Variants in BNC2 observed in about 807,000 individuals in gnomAD.
The protein encoded by BNC2 is zinc finger protein basonuclin-2.
Under a neutral mutation model 76.3 loss-of-function variants are expected in BNC2, and 20 were observed. The observed-to-expected ratio is 0.26, with a 90% CI of 0.18 to 0.38. The LOEUF (loss-of-function observed/expected upper bound fraction) is 0.38. BNC2 is among the 10% of genes least tolerant of loss of function. The probability of loss-of-function intolerance (pLI) is 1.00; values close to 1 mark genes in which losing one functional copy is unlikely to be tolerated. For missense variants in BNC2, 1,382 were observed against 1,399.8 expected (o/e 0.99, Z 0.20); for synonymous variants, 582 against 514.8 (o/e 1.13, Z -1.77).
intron 1 of BNC2, among the ~76,000 whole-genome samples, chr9:16,834,040 T>C (rs1818644777): frequency 6.6e-6 from 1 of 152,180 alleles, no homozygotes; most frequent in African/African-American, 2.4e-5. Flanking sequence ...ATCCTTCAGA[T>C]CTCAGCTCAA....
chr9:16,447,849 T>C (rs906714678), intron 5 of BNC2, among the ~76,000 whole-genome samples: 1 of 152,114 alleles, frequency 6.6e-6, no homozygotes, highest in African/African-American at 2.4e-5. Flanking sequence ...CTTTCGGAAA[T>C]CTTTGCAGCT....
At chr9:16,555,568 G>T (rs1336766130) in intron 4 of BNC2, among the ~76,000 whole-genome samples, 1 of 151,620 alleles carries the variant, frequency 6.6e-6, no homozygotes. Context: ...AGGCGAGACG[G>T]CAGATTGCCT....
rs1818689587 is a variant in BNC2, at chr9:16,552,380, T to C, written c.669+150A>G. 4.1e-6 allele frequency: 3 copies of C among 727,920 alleles called. No individual in the cohort carries two copies. The African/African-American group carries it at 5.2e-5, about 13-fold the overall frequency. 45.1% of individuals were successfully genotyped at this position (727,920 alleles called of 1,614,324 possible). On this transcript the variant is annotated intron_variant, in intron 5 of 6. Coordinates refer to ENST00000380672, the MANE Select transcript of BNC2 (RefSeq NM_017637.6). ...CCGATGGTGGCCTGCTTTGTCTCTC[T>C]CCTTTCCCCTTCCCTGACAAGCCTG...
At chr9:16,829,136 G>C (rs933989923) in intron 1 of BNC2, among the ~76,000 whole-genome samples, 16 of 152,222 alleles carry the variant, frequency 1.1e-4, no homozygotes, top group African/African-American at 3.1e-4. Flanking sequence ...GCCTCTGCGG[G>C]ACTGCAGCGG....
intron 5 of BNC2, among the ~76,000 whole-genome samples, chr9:16,446,296 A>G (rs1220831874): frequency 1.3e-5 from 2 of 151,250 alleles, no homozygotes; most frequent in Non-Finnish European, 3.0e-5. Context: ...AACTACTAGC[A>G]AAAAAAAAGT....
intron 1 of BNC2, among the ~76,000 whole-genome samples, chr9:16,763,425 C>G (rs554820939): frequency 3.9e-5 from 6 of 151,922 alleles, no homozygotes; most frequent in Non-Finnish European, 8.8e-5. Flanking sequence ...AAAAACTTAG[C>G]CGGCCATAGT....
chr9:16,823,888 A>C (rs1818396837), intron 1 of BNC2, among the ~76,000 whole-genome samples: 1 of 152,202 alleles, frequency 6.6e-6, no homozygotes, highest in Admixed American at 6.5e-5. Flanking sequence ...AATTTCATTC[A>C]AATCCCTAAC....
At chr9:16,452,042 G>A (rs910434819) in intron 5 of BNC2, among the ~76,000 whole-genome samples, 4 of 152,184 alleles carry the variant, frequency 2.6e-5, no homozygotes, top group African/African-American at 9.7e-5. Flanking sequence ...TGACCTGGTC[G>A]AGTGCTTTTC....
intron 3 of BNC2, among the ~76,000 whole-genome samples, chr9:16,609,952 T>C (rs1445871367): frequency 1.3e-5 from 2 of 152,210 alleles, no homozygotes; most frequent in African/African-American, 4.8e-5. Context: ...TATTCTTCTC[T>C]GCCATCTTCT....
intron 1 of BNC2, among the ~76,000 whole-genome samples, chr9:16,870,037 C>G (rs1277447743): frequency 6.6e-6 from 1 of 152,192 alleles, no homozygotes; most frequent in African/African-American, 2.4e-5. Context: ...TCTGCACCTT[C>G]TCCGTAAAGC....
At chr9:16,738,232 T>G (rs1824735719) in intron 2 of BNC2, 128 bp downstream of exon 2, 1 of 1,032,504 alleles carries the variant, frequency 9.7e-7, no homozygotes. Flanking sequence ...TTTCATAGAA[T>G]GAGGATAAGT....
intron 3 of BNC2, among the ~76,000 whole-genome samples, chr9:16,715,679 C>G (rs911256609): frequency 4.6e-5 from 7 of 152,202 alleles, no homozygotes; most frequent in Admixed American, 2.0e-4. Flanking sequence ...CACCTGGTAA[C>G]AATCGGCTGG....
intron 3 of BNC2, among the ~76,000 whole-genome samples, chr9:16,654,318 T>G (rs1202799916): frequency 2.0e-5 from 3 of 152,194 alleles, no homozygotes; most frequent in African/African-American, 7.2e-5. Flanking sequence ...GGGCATAACA[T>G]AAGCATTATT....
intron 5 of BNC2, among the ~76,000 whole-genome samples, chr9:16,484,226 A>C (rs1822115147): frequency 6.6e-6 from 1 of 152,230 alleles, no homozygotes; most frequent in Non-Finnish European, 1.5e-5. Context: ...CAAAAAAGGC[A>C]GCACAGTAGC....
At chr9:16,854,840 C>T (rs1420977148) in intron 1 of BNC2, among the ~76,000 whole-genome samples, 2 of 151,834 alleles carry the variant, frequency 1.3e-5, no homozygotes, top group South Asian at 2.1e-4. Context: ...GGGGTAAACA[C>T]TGTCAATACT....
chr9:16,827,200 C>T (rs147738616), intron 1 of BNC2, among the ~76,000 whole-genome samples: 6 of 152,268 alleles, frequency 3.9e-5, no homozygotes, highest in African/African-American at 1.4e-4. Flanking sequence ...AGTCTCTGCA[C>T]GATACATATT....
intron 5 of BNC2, among the ~76,000 whole-genome samples, chr9:16,510,732 CAAA>C (rs1822735138): frequency 6.6e-6 from 1 of 152,174 alleles, no homozygotes; most frequent in Admixed American, 6.5e-5. Context: ...AATTGACCTA[CAAA>C]TGTTATCAAA....
intron 3 of BNC2, among the ~76,000 whole-genome samples, chr9:16,715,695 A>G (rs1823979568): frequency 6.6e-6 from 1 of 152,330 alleles, no homozygotes; most frequent in South Asian, 2.1e-4. Context: ...GCTGGAACCA[A>G]GGAGCAGCTA....
intron 5 of BNC2, among the ~76,000 whole-genome samples, chr9:16,504,583 A>T (rs1316258245): frequency 1.3e-5 from 2 of 152,096 alleles, no homozygotes; most frequent in African/African-American, 4.8e-5. Context: ...ATCAGTCAAG[A>T]TTTGATAAAT....
Sources: gnomAD v4.1 joint callset for allele counts (sites outside exome capture counted in the v4.1 genomes callset) on GRCh38, gnomAD v4.1.1 for gene constraint, MANE v1.5 for transcripts, NCBI Gene and HGNC (gene_info 2026-07-23, HGNC 2026-07-21) for gene names.